ITIH1: variants seen among roughly 807,000 people sequenced by gnomAD.
ITIH1 encodes inter-alpha-trypsin inhibitor heavy chain 1.
A neutral mutation model predicts 104.6 loss-of-function variants in ITIH1; 94 were observed. That is an observed-to-expected ratio of 0.90 (90% CI 0.76 to 1.07). ITIH1 has a LOEUF of 1.07. ITIH1 is among the 50% of genes least tolerant of loss of function. ITIH1 has a pLI of 0.00. For missense variants in ITIH1, 1,193 were observed against 1,181.4 expected (o/e 1.01, Z -0.14); for synonymous variants, 455 against 464.4 (o/e 0.98, Z 0.26).
At chr3:52,790,544 GGCTTA>G in intron 19 of ITIH1, 200 bp from the exon 20 acceptor site, 1 of 562,364 alleles carries the variant, frequency 1.8e-6, no homozygotes, top group Non-Finnish European at 3.1e-6. Context: ...TTGCACAGAG[GGCTTA>G]GCACAGGACC....
chr3:52,780,128 T>G, intron 5 of ITIH1, 141 bp from the exon 6 acceptor site: 1 of 918,924 alleles, frequency 1.1e-6, no homozygotes, highest in Non-Finnish European at 1.6e-6. Context: ...TTTGCTTCAG[T>G]GTGGTGTGAG....
At position 52,787,031 on chromosome 3, in the gene ITIH1, C is replaced by A; in HGVS notation, c.1820C>A (p.Thr607Asn). 6.2e-7 allele frequency: 1 copy of A among 1,614,148 alleles called. No homozygotes were observed. The highest frequency in any genetic ancestry group is 8.5e-7 in the Non-Finnish European group (1 of 1,180,012). The change falls in exon 14 of 22, where the codon ACC becomes AAC. Residue 607 changes from threonine to asparagine, a missense_variant. Transcript: ENST00000273283. ...GACTATGGGTTTGTGACCCCACTGA[C>A]CTCCATGAGCATCAGGGGCATGGCG... ...SLDYGFVTPLTSMSIRGMADQ... is the reference protein window; with the variant it reads ...SLDYGFVTPLNSMSIRGMADQ...
At chr3:52,785,671 G>T (rs1699179785) in intron 12 of ITIH1, among the ~76,000 whole-genome samples, 1 of 152,232 alleles carries the variant, frequency 6.6e-6, no homozygotes, top group African/African-American at 2.4e-5. Flanking sequence ...CCAGGACACA[G>T]ACAACGCCCT....
intron 18 of ITIH1, among the ~76,000 whole-genome samples, chr3:52,788,826 G>T (rs1699274034): frequency 6.6e-6 from 1 of 152,180 alleles, no homozygotes; most frequent in Non-Finnish European, 1.5e-5. Context: ...CTCCCAAAGT[G>T]CTGGGATTAC....
chr3:52,786,010 A>G (rs74799021), intron 12 of ITIH1, among the ~76,000 whole-genome samples: 3,494 of 152,280 alleles, frequency 0.023, 134 homozygotes, highest in African/African-American at 0.077. Context: ...AGTGGGTCAT[A>G]GTGGAAACAG....
intron 8 of ITIH1, 87 bp from the exon 9 acceptor site, chr3:52,782,870 C>A: frequency 7.6e-7 from 1 of 1,311,998 alleles, no homozygotes; most frequent in Non-Finnish European, 1.1e-6. Flanking sequence ...CCCTGTGGAT[C>A]TCTGAAATGG....
At chr3:52,778,113 A>G (rs1221408141) in intron 2 of ITIH1, 96 bp downstream of exon 2, 1 of 1,391,220 alleles carries the variant, frequency 7.2e-7, no homozygotes, top group Non-Finnish European at 1.0e-6. Context: ...TATCAGGGCC[A>G]TAGGCATGGG....
intron 15 of ITIH1, 125 bp from the exon 16 acceptor site, chr3:52,787,467 A>G (rs560316258): frequency 1.7e-6 from 2 of 1,192,308 alleles, no homozygotes; most frequent in Admixed American, 1.7e-5. Context: ...GCAGGACCCC[A>G]GGGGAGGGCT....
chr3:52,787,342 G>T, intron 15 of ITIH1, 140 bp downstream of exon 15: 2 of 1,286,154 alleles, frequency 1.6e-6, no homozygotes, highest in African/African-American at 1.5e-5. Flanking sequence ...CCCCTGAGCC[G>T]CCCTTCTCCA....
rs1030439176 is a variant in ITIH1, at chr3:52,791,440, G to A, written c.2495-77G>A. ...AGCGGTCCAGCAATGCTCTAACCCC[G>A]CAGTGAGCACCTGCTGAGTGCAGGG... is the stretch of plus-strand genomic sequence containing the variant. On this transcript the variant is annotated intron_variant, in intron 20 of 21. Coordinates refer to ENST00000273283, the MANE Select transcript of ITIH1 (RefSeq NM_002215.4). 19 of 1,184,778 alleles carry A rather than the reference G, an allele frequency of 1.6e-5. 1 individual carries two copies. Among genetic ancestry groups the A allele is most frequent in the African/African-American group, 1.2e-4 (8 of 65,976 alleles). 73.4% of individuals were successfully genotyped at this position (1,184,778 alleles called of 1,614,324 possible).
chr3:52,786,923 C>A, intron 13 of ITIH1, 22 bp from the exon 14 acceptor site: 1 of 1,592,132 alleles, frequency 6.3e-7, no homozygotes, highest in East Asian at 2.2e-5. Flanking sequence ...GGGCTTGGAG[C>A]CAGCCTCTGT....
At chr3:52,781,269 T>TTCTTCTTCTTCTTCTTCC (rs1559461405) in intron 6 of ITIH1, among the ~76,000 whole-genome samples, 23 of 134,764 alleles carry the variant, frequency 1.7e-4, no homozygotes, top group African/African-American at 5.8e-4. Context: ...CTTCTTCTTC[T>TTCTTCTTCTTCTTCTTCC]TCTTCTTCTT....
intron 8 of ITIH1, 38 bp from the exon 9 acceptor site, chr3:52,782,919 G>C: frequency 4.4e-6 from 7 of 1,608,692 alleles, no homozygotes; most frequent in Non-Finnish European, 6.0e-6. Flanking sequence ...GGGCCACCCT[G>C]GGGCCCTGTC....
intron 19 of ITIH1, 59 bp from the exon 20 acceptor site, chr3:52,790,690 C>T: frequency 6.4e-7 from 1 of 1,554,960 alleles, no homozygotes; most frequent in Non-Finnish European, 8.8e-7. Flanking sequence ...ACAAGGGCAG[C>T]TGAATGGAGA....
At chr3:52,778,082 C>A in intron 2 of ITIH1, 65 bp downstream of exon 2, 1 of 1,568,230 alleles carries the variant, frequency 6.4e-7, no homozygotes, top group Non-Finnish European at 8.8e-7. Context: ...CTTTCCCCAA[C>A]CTGTCAGGGG....
rs1699076367 is a variant in ITIH1, at chr3:52,782,187, C to A, written c.850C>A (p.Gln284Lys). ...NNHFAHFFAP[Q>K]NLTNMNKNVV... ...CCACTTTGCCCACTTCTTTGCCCCC[C>A]AAAACCTGACAAACATGAACAAGAA... is the stretch of plus-strand genomic sequence containing the variant. Residue 284 changes from glutamine to lysine, a missense_variant, in exon 8 of 22, where the codon CAA becomes AAA. Transcript: ENST00000273283. 5 of 1,614,160 alleles carry A rather than the reference C, an allele frequency of 3.1e-6. No individual in the cohort carries two copies. The highest frequency in any genetic ancestry group is 1.1e-5 in the South Asian group (1 of 91,084).
At chr3:52,780,128 T>A in intron 5 of ITIH1, 141 bp from the exon 6 acceptor site, 2 of 918,924 alleles carry the variant, frequency 2.2e-6, no homozygotes, top group Non-Finnish European at 3.3e-6. Flanking sequence ...TTTGCTTCAG[T>A]GTGGTGTGAG....
chr3:52,791,960 G>A lies in ITIH1; in HGVS notation c.*49G>A, dbSNP rs746966617. 3 of 1,572,810 alleles carry A rather than the reference G, an allele frequency of 1.9e-6. No individual in the cohort carries two copies. In the African/African-American group the frequency reaches 4.1e-5, roughly 21 times the overall value. ...CTCCCCCGGGGCCAAGGCAGAGGAG[G>A]AGGACGACATCCTGACCTGCTGCTG... On this transcript the variant is annotated 3_prime_UTR_variant, in exon 22 of 22. Transcript: ENST00000273283.
At chr3:52,784,246 A>C in intron 10 of ITIH1, 50 bp from the exon 11 acceptor site, 1 of 1,540,502 alleles carries the variant, frequency 6.5e-7, no homozygotes, top group Non-Finnish European at 8.9e-7. Flanking sequence ...CTCGTGCCCC[A>C]CATGCCTGTG....
Sources: gnomAD v4.1 joint callset for allele counts (sites outside exome capture counted in the v4.1 genomes callset) on GRCh38, gnomAD v4.1.1 for gene constraint, MANE v1.5 for transcripts, NCBI Gene and HGNC (gene_info 2026-07-23, HGNC 2026-07-21) for gene names.